RBFOX1: variants seen among roughly 807,000 people sequenced by gnomAD.
The protein encoded by RBFOX1 is RNA binding protein fox-1 homolog 1.
A neutral mutation model predicts 57.7 loss-of-function variants in RBFOX1; 8 were observed. The ratio of observed to expected loss-of-function variants is 0.14; its 90% CI spans 0.08 to 0.25. The LOEUF (loss-of-function observed/expected upper bound fraction) is 0.25, where lower values mean the gene tolerates loss of function less well. Ranked by LOEUF, RBFOX1 falls within the 10% of genes least tolerant of loss-of-function variation. The pLI is 1.00. For missense variants in RBFOX1, 611 were observed against 548.5 expected, an observed-to-expected ratio of 1.11 and a Z score of -1.14; for synonymous variants, 326 against 222.4, an observed-to-expected ratio of 1.47 and a Z score of -4.15.
At chr16:6,179,516 C>T (rs1368045315) in intron 1 of RBFOX1, among the ~76,000 whole-genome samples, 1 of 152,154 alleles carries the variant, frequency 6.6e-6, no homozygotes, top group Non-Finnish European at 1.5e-5. Flanking sequence ...GCATCACCCT[C>T]ATCTCACAGT....
upstream of RBFOX1, among the ~76,000 whole-genome samples, chr16:6,016,930 A>G (rs1425770902): frequency 6.6e-6 from 1 of 152,148 alleles, no homozygotes; most frequent in African/African-American, 2.4e-5. Context: ...TTAAATTGTA[A>G]TGGATGCCTC....
chr16:6,371,889 C>T (rs543999368), intron 2 of RBFOX1, among the ~76,000 whole-genome samples: 24 of 152,266 alleles, frequency 1.6e-4, no homozygotes, highest in Non-Finnish European at 2.5e-4. Flanking sequence ...CTTGTTATTA[C>T]GAGTTATCTT....
intron 3 of RBFOX1, among the ~76,000 whole-genome samples, chr16:6,845,396 A>G (rs1455877778): frequency 2.0e-5 from 3 of 151,912 alleles, no homozygotes; most frequent in Non-Finnish European, 2.9e-5. Context: ...TTTTCTGTGT[A>G]TGGCCAGACA....
At chr16:7,416,737 T>C (rs1236384943) in intron 4 of RBFOX1, among the ~76,000 whole-genome samples, 1 of 151,270 alleles carries the variant, frequency 6.6e-6, no homozygotes, top group Non-Finnish European at 1.5e-5. Context: ...TGTTTTTTTT[T>C]CTTTCCACAT....
At chr16:6,240,404 T>G (rs901012938) in intron 1 of RBFOX1, among the ~76,000 whole-genome samples, 3 of 151,926 alleles carry the variant, frequency 2.0e-5, no homozygotes, top group Non-Finnish European at 4.4e-5. Context: ...GTAGTGTGGG[T>G]GGGAAGAACC....
chr16:7,142,182 C>A (rs1027680437), intron 4 of RBFOX1, among the ~76,000 whole-genome samples: 4 of 152,056 alleles, frequency 2.6e-5, no homozygotes, highest in Non-Finnish European at 5.9e-5. Context: ...CACCACCACA[C>A]CTGACCAATT....
chr16:5,956,933 T>G (rs1382594261), intron 4 of RBFOX1, among the ~76,000 whole-genome samples: 1 of 151,802 alleles, frequency 6.6e-6, no homozygotes, highest in Non-Finnish European at 1.5e-5. Flanking sequence ...CATCCCAAAG[T>G]GCTAGGGATT....
chr16:6,999,599 C>A (rs1269705192), intron 3 of RBFOX1, among the ~76,000 whole-genome samples: 1 of 151,972 alleles, frequency 6.6e-6, no homozygotes, highest in Non-Finnish European at 1.5e-5. Flanking sequence ...CAGATTTCAA[C>A]AACTACCAAT....
intron 5 of RBFOX1, among the ~76,000 whole-genome samples, chr16:7,562,450 G>T (rs550337183): frequency 6.6e-6 from 1 of 152,142 alleles, no homozygotes; most frequent in African/African-American, 2.4e-5. Context: ...AGAGTTGGAA[G>T]CAATGACCAT....
chr16:6,806,885 G>A (rs1372956994), intron 3 of RBFOX1, among the ~76,000 whole-genome samples: 2 of 122,498 alleles, frequency 1.6e-5, no homozygotes, highest in African/African-American at 3.3e-5. Context: ...CCAGGCTGGA[G>A]TGCAATAGCA....
intron 4 of RBFOX1, among the ~76,000 whole-genome samples, chr16:7,162,077 C>G (rs2078442879): frequency 6.6e-6 from 1 of 152,186 alleles, no homozygotes; most frequent in South Asian, 2.1e-4. Context: ...GCAGCCAGCT[C>G]CTCACAAGGG....
chr16:5,600,988 C>T (rs116229434), downstream of RBFOX1, among the ~76,000 whole-genome samples: 1 of 152,150 alleles, frequency 6.6e-6, no homozygotes, highest in South Asian at 2.1e-4. Context: ...CTCTGACCCA[C>T]CTGCATCAGT....
intron 4 of RBFOX1, among the ~76,000 whole-genome samples, chr16:7,319,520 A>G (rs187628352): frequency 8.5e-5 from 13 of 152,224 alleles, no homozygotes; most frequent in South Asian, 2.1e-4. Context: ...AGACTGTACA[A>G]TCTGTTTGGC....
intron 2 of RBFOX1, among the ~76,000 whole-genome samples, chr16:6,454,490 C>T (rs1459858616): frequency 6.6e-6 from 1 of 152,072 alleles, no homozygotes; most frequent in Admixed American, 6.6e-5. Flanking sequence ...CTGGGGAGAT[C>T]AAGACTGTGG....
chr16:5,819,032 T>C (rs766775909), intron 3 of RBFOX1, among the ~76,000 whole-genome samples: 2 of 152,196 alleles, frequency 1.3e-5, no homozygotes, highest in Non-Finnish European at 2.9e-5. Flanking sequence ...TCCTTGTCTC[T>C]GCTTTCTCTC....
intron 4 of RBFOX1, among the ~76,000 whole-genome samples, chr16:7,166,994 T>TTTTTTTTTTTTTTG (rs2079677127): frequency 2.3e-5 from 3 of 127,678 alleles, no homozygotes; most frequent in Non-Finnish European, 3.2e-5. Context: ...TTTTTTTTTT[T>TTTTTTTTTTTTTTG]TTTTTTTTTT....
intron 4 of RBFOX1, among the ~76,000 whole-genome samples, chr16:7,476,028 C>T (rs376835666): frequency 6.6e-6 from 1 of 151,934 alleles, no homozygotes; most frequent in Non-Finnish European, 1.5e-5. Flanking sequence ...TGCAGTAGTT[C>T]GATCATGGCT....
intron 3 of RBFOX1, among the ~76,000 whole-genome samples, chr16:6,859,311 A>G (rs2058599758): frequency 6.6e-6 from 1 of 150,926 alleles, no homozygotes; most frequent in Non-Finnish European, 1.5e-5. Flanking sequence ...CGTTGATAAT[A>G]TCTATTATAT....
intron 2 of RBFOX1, among the ~76,000 whole-genome samples, chr16:6,426,301 GAGAGAGA>G (rs1456406028): frequency 6.6e-6 from 1 of 152,038 alleles, no homozygotes; most frequent in Non-Finnish European, 1.5e-5. Context: ...GAAGAAGGGA[GAGAGAGA>G]AGGGAGAAGG....
Sources: gnomAD v4.1 joint callset for allele counts (sites outside exome capture counted in the v4.1 genomes callset) on GRCh38, gnomAD v4.1.1 for gene constraint, MANE v1.5 for transcripts, NCBI Gene and HGNC (gene_info 2026-07-23, HGNC 2026-07-21) for gene names.